Variants in DLG2 observed in about 807,000 individuals in gnomAD.
DLG2 encodes disks large homolog 2.
In DLG2, 45 loss-of-function variants were observed where a neutral mutation model predicts 132.5. That is an observed-to-expected ratio of 0.34 (90% CI 0.27 to 0.44). The LOEUF is 0.44. Ranked by LOEUF, DLG2 falls within the 20% of genes least tolerant of loss-of-function variation. The pLI, the probability that DLG2 is intolerant of heterozygous loss-of-function variation, is 1.00. For missense variants in DLG2, 1,045 were observed against 1,196.9 expected (o/e 0.87, Z 1.87); for synonymous variants, 424 against 419.6 (o/e 1.01, Z -0.13).
intron 14 of DLG2, among the ~76,000 whole-genome samples, chr11:83,961,679 C>T (rs1438200171): frequency 2.6e-5 from 4 of 151,956 alleles, no homozygotes; most frequent in Admixed American, 2.6e-4. Context: ...AGTGACATTT[C>T]TAAATTAAAA....
At chr11:84,920,245 T>C (rs2092692692) in intron 6 of DLG2, among the ~76,000 whole-genome samples, 1 of 152,198 alleles carries the variant, frequency 6.6e-6, no homozygotes, top group African/African-American at 2.4e-5. Context: ...AGAACCCATG[T>C]TCTAACCATT....
At chr11:83,581,474 T>C (rs2096975175) in intron 19 of DLG2, among the ~76,000 whole-genome samples, 2 of 151,982 alleles carry the variant, frequency 1.3e-5, no homozygotes, top group South Asian at 4.1e-4. Context: ...CAAGAGGAAA[T>C]AACATTATTT....
intron 19 of DLG2, chr11:83,632,169 C>T (rs1210374897): frequency 6.6e-6 from 1 of 152,170 alleles, no homozygotes; most frequent in Non-Finnish European, 1.5e-5. Context: ...TCCAGAATCC[C>T]ACTCCCTTCT....
chr11:84,027,433 A>C (rs532139767), intron 11 of DLG2, among the ~76,000 whole-genome samples: 27 of 152,174 alleles, frequency 1.8e-4, no homozygotes, highest in African/African-American at 6.0e-4. Context: ...TTTCATAATG[A>C]ATATACAATG....
intron 4 of DLG2, among the ~76,000 whole-genome samples, chr11:85,281,159 C>CAA (rs1290878224): frequency 6.6e-6 from 1 of 151,790 alleles, no homozygotes; most frequent in African/African-American, 2.4e-5. Flanking sequence ...GATGAAATTT[C>CAA]AAAAAACGGT....
intron 9 of DLG2, among the ~76,000 whole-genome samples, chr11:84,146,934 ATT>A (rs1294200810): frequency 6.6e-6 from 1 of 151,976 alleles, no homozygotes; most frequent in African/African-American, 2.4e-5. Context: ...AAGGCTCATT[ATT>A]TCAGATGACA....
intron 4 of DLG2, among the ~76,000 whole-genome samples, chr11:85,160,796 T>C (rs1301100100): frequency 6.6e-6 from 1 of 152,122 alleles, no homozygotes. Flanking sequence ...AGGAAAAGAC[T>C]AGGGCCTGGT....
chr11:85,599,931 C>T (rs1407418958), intron 2 of DLG2, among the ~76,000 whole-genome samples: 1 of 152,164 alleles, frequency 6.6e-6, no homozygotes, highest in Non-Finnish European at 1.5e-5. Flanking sequence ...TAAAAGCCCT[C>T]CTTCCCTTCC....
At chr11:85,108,947 A>G (rs1375840647) in intron 6 of DLG2, among the ~76,000 whole-genome samples, 1 of 152,130 alleles carries the variant, frequency 6.6e-6, no homozygotes, top group Non-Finnish European at 1.5e-5. Flanking sequence ...GCAGCTTTAG[A>G]GGTCTAAGCA....
intron 2 of DLG2, among the ~76,000 whole-genome samples, chr11:85,622,106 T>C (rs184178090): frequency 9.2e-5 from 14 of 152,360 alleles, no homozygotes; most frequent in Non-Finnish European, 4.4e-5. Flanking sequence ...AAAAGATTAC[T>C]ACTCGCTAAA....
intron 11 of DLG2, among the ~76,000 whole-genome samples, chr11:84,032,792 T>A (rs1455511911): frequency 6.6e-6 from 1 of 152,198 alleles, no homozygotes; most frequent in African/African-American, 2.4e-5. Context: ...TAAGGGTTTA[T>A]GGAGCTGGTG....
intron 6 of DLG2, among the ~76,000 whole-genome samples, chr11:85,107,809 T>G (rs2072021915): frequency 6.6e-6 from 1 of 151,702 alleles, no homozygotes; most frequent in African/African-American, 2.4e-5. Context: ...GGAAGATATT[T>G]CATGTATTCA....
intron 9 of DLG2, among the ~76,000 whole-genome samples, chr11:84,146,861 C>T (rs529183588): frequency 1.3e-5 from 2 of 152,126 alleles, no homozygotes; most frequent in Admixed American, 6.6e-5. Flanking sequence ...TTGGAAGTTG[C>T]CAGTTTTCTC....
intron 3 of DLG2, among the ~76,000 whole-genome samples, chr11:85,566,959 G>T (rs2077564152): frequency 3.9e-5 from 6 of 152,106 alleles, no homozygotes; most frequent in Admixed American, 3.9e-4. Context: ...CCTTGGCATT[G>T]TTGTTGAAAA....
intron 4 of DLG2, among the ~76,000 whole-genome samples, chr11:85,270,261 ATCT>A (rs2077447053): frequency 6.6e-6 from 1 of 152,048 alleles, no homozygotes. Flanking sequence ...GTCTCATGAG[ATCT>A]GATGGTTTTA....
chr11:83,722,566 G>C (rs1428205424), intron 18 of DLG2, among the ~76,000 whole-genome samples: 1 of 152,090 alleles, frequency 6.6e-6, no homozygotes, highest in Non-Finnish European at 1.5e-5. Context: ...GGCGGGGTGG[G>C]GAGTGACTCC....
intron 3 of DLG2, among the ~76,000 whole-genome samples, chr11:85,514,674 T>G (rs1215994858): frequency 6.6e-6 from 1 of 151,976 alleles, no homozygotes; most frequent in African/African-American, 2.4e-5. Context: ...TTAGCTGTTT[T>G]GTTTTAAACA....
intron 3 of DLG2, among the ~76,000 whole-genome samples, chr11:85,582,906 T>A (rs2078646752): frequency 6.7e-6 from 1 of 149,262 alleles, no homozygotes; most frequent in Non-Finnish European, 1.5e-5. Context: ...TGGCTCTAGG[T>A]ACATTAGATG....
At chr11:83,712,671 T>C (rs534641906) in intron 18 of DLG2, among the ~76,000 whole-genome samples, 2 of 152,268 alleles carry the variant, frequency 1.3e-5, no homozygotes, top group South Asian at 2.1e-4. Context: ...GGGACATGGA[T>C]GGAGTTGGAT....
Sources: gnomAD v4.1 joint callset for allele counts (sites outside exome capture counted in the v4.1 genomes callset) on GRCh38, gnomAD v4.1.1 for gene constraint, MANE v1.5 for transcripts, NCBI Gene and HGNC (gene_info 2026-07-23, HGNC 2026-07-21) for gene names.